The following KALRN variants were observed in gnomAD, a reference collection of about 807,000 sequenced individuals.
KALRN encodes kalirin.
Under a neutral mutation model 353.7 loss-of-function variants are expected in KALRN, and 70 were observed. The observed-to-expected ratio is 0.20, with a 90% CI of 0.16 to 0.24. The LOEUF is 0.24. KALRN is among the 10% of genes least tolerant of loss of function. The pLI, the probability that KALRN is intolerant of heterozygous loss-of-function variation, is 1.00. For synonymous variants in KALRN, 1,391 were observed against 1,434.8 expected (o/e 0.97, Z 0.69); for missense variants, 2,791 against 3,756.7 (o/e 0.74, Z 6.72).
At chr3:124,350,548 T>C (rs1038387116) in intron 10 of KALRN, among the ~76,000 whole-genome samples, 1 of 152,144 alleles carries the variant, frequency 6.6e-6, no homozygotes, top group African/African-American at 2.4e-5. Context: ...TCCCTCCTTA[T>C]TGAGGTATAG....
At chr3:124,649,555 C>G (rs557948334) in intron 37 of KALRN, among the ~76,000 whole-genome samples, 38 of 152,192 alleles carry the variant, frequency 2.5e-4, no homozygotes, top group Middle Eastern at 6.8e-3. Context: ...GGGAGTATCA[C>G]TTGAGCCCAG....
At chr3:124,410,238 C>A in intron 13 of KALRN, 1 of 533,310 alleles carries the variant, frequency 1.9e-6, no homozygotes. Flanking sequence ...TCCATAGATT[C>A]CTGGCTATGG....
At chr3:124,188,197 T>A (rs1319007191) in intron 1 of KALRN, among the ~76,000 whole-genome samples, 1 of 152,190 alleles carries the variant, frequency 6.6e-6, no homozygotes, top group Non-Finnish European at 1.5e-5. Flanking sequence ...TTTTAAAAAA[T>A]GCAGATTGCT....
intron 1 of KALRN, among the ~76,000 whole-genome samples, chr3:124,131,063 AC>A (rs2065220414): frequency 6.6e-6 from 1 of 152,164 alleles, no homozygotes; most frequent in Non-Finnish European, 1.5e-5. Flanking sequence ...ACCCAGCTGT[AC>A]CCTTATGATT....
chr3:124,076,226 C>T (rs2060252273), intron 1 of KALRN, among the ~76,000 whole-genome samples: 1 of 152,126 alleles, frequency 6.6e-6, no homozygotes, highest in Non-Finnish European at 1.5e-5. Flanking sequence ...GATGCAGACC[C>T]AAGGGAAGCA....
intron 34 of KALRN, among the ~76,000 whole-genome samples, chr3:124,563,301 A>G (rs2072294125): frequency 1.3e-5 from 2 of 152,222 alleles, no homozygotes; most frequent in African/African-American, 4.8e-5. Context: ...AAAGTCATTT[A>G]GCCTTCCTGA....
intron 33 of KALRN, among the ~76,000 whole-genome samples, chr3:124,536,196 CTTTTTT>C (rs34435871): frequency 1.8e-4 from 18 of 99,150 alleles, no homozygotes; most frequent in African/African-American, 7.2e-4. Context: ...CATCCATACT[CTTTTTT>C]TTTTTTTTTT....
intron 13 of KALRN, among the ~76,000 whole-genome samples, chr3:124,404,737 G>T (rs564907450): frequency 1.4e-5 from 2 of 145,982 alleles, no homozygotes; most frequent in African/African-American, 5.1e-5. Context: ...TGTTGTGGCT[G>T]TTTGAAAAGT....
intron 45 of KALRN, among the ~76,000 whole-genome samples, chr3:124,664,831 C>T (rs2085419754): frequency 6.6e-6 from 1 of 152,226 alleles, no homozygotes; most frequent in Non-Finnish European, 1.5e-5. Flanking sequence ...TCCCTCAGCC[C>T]ATGGCTTTGG....
chr3:124,675,999 A>G (rs1432905653), intron 49 of KALRN, among the ~76,000 whole-genome samples: 3 of 152,150 alleles, frequency 2.0e-5, no homozygotes, highest in Non-Finnish European at 2.9e-5. Flanking sequence ...GCCCCCATGC[A>G]TTTTATCCTA....
chr3:124,219,188 T>C (rs958860162), intron 1 of KALRN, among the ~76,000 whole-genome samples: 1 of 152,176 alleles, frequency 6.6e-6, no homozygotes, highest in Non-Finnish European at 1.5e-5. Context: ...CTAAAGTCAT[T>C]GAGAGAAGTA....
intron 1 of KALRN, among the ~76,000 whole-genome samples, chr3:124,054,510 C>T (rs866004877): frequency 6.6e-6 from 1 of 152,174 alleles, no homozygotes; most frequent in Admixed American, 6.5e-5. Flanking sequence ...CCAGTCCTGA[C>T]ACTTCCCTGA....
At chr3:124,476,600 G>A (rs1288713196) in intron 26 of KALRN, among the ~76,000 whole-genome samples, 1 of 152,052 alleles carries the variant, frequency 6.6e-6, no homozygotes, top group Non-Finnish European at 1.5e-5. Flanking sequence ...TCCCAGTAAC[G>A]CTAACCCAGA....
chr3:124,219,613 G>T (rs1289544703), intron 1 of KALRN, among the ~76,000 whole-genome samples: 1 of 152,164 alleles, frequency 6.6e-6, no homozygotes, highest in African/African-American at 2.4e-5. Flanking sequence ...AATCAGGTTA[G>T]CAGAGGCTCC....
At chr3:124,707,073 T>C (rs1408163468) in intron 57 of KALRN, among the ~76,000 whole-genome samples, 1 of 150,100 alleles carries the variant, frequency 6.7e-6, no homozygotes, top group East Asian at 2.1e-4. Flanking sequence ...GTGTGGTGGC[T>C]CACGCCTGTA....
chr3:124,525,922 G>A (rs1208334768), intron 33 of KALRN, among the ~76,000 whole-genome samples: 1 of 152,130 alleles, frequency 6.6e-6, no homozygotes. Context: ...TAAAGAGGTG[G>A]AGGGGTGGGA....
rs1330080119 is a variant in KALRN, at chr3:124,033,387, G to A, written c.-354G>A. On this transcript the variant is annotated 5_prime_UTR_variant, in exon 1 of 60. Transcript: ENST00000682506. The surrounding 1 kb of genome is among the most constrained non-coding windows in gnomAD (Gnocchi z 6.2). ...GCTGAACAATAGAGACAGGCAGACGGGCGAGCAGGAGAGCCAGCTGCCGCT... is the reference window on the plus strand; with the variant it reads ...GCTGAACAATAGAGACAGGCAGACGAGCGAGCAGGAGAGCCAGCTGCCGCT... 6.6e-6 allele frequency among the ~76,000 whole-genome samples: 1 copy of A among 151,902 alleles called. No individual in the cohort carries two copies. Among genetic ancestry groups the A allele is most frequent in the Non-Finnish European group, 1.5e-5 (1 of 67,912 alleles).
chr3:124,145,890 G>T (rs979055483), intron 1 of KALRN, among the ~76,000 whole-genome samples: 1 of 152,196 alleles, frequency 6.6e-6, no homozygotes, highest in Non-Finnish European at 1.5e-5. Flanking sequence ...TGGAATGCAG[G>T]CAAACAGGGA....
At chr3:124,560,111 G>A (rs1561289119) in intron 33 of KALRN, among the ~76,000 whole-genome samples, 1 of 152,186 alleles carries the variant, frequency 6.6e-6, no homozygotes, top group Non-Finnish European at 1.5e-5. Flanking sequence ...ATCCTCTCCC[G>A]TCCAGCCCAT....
Sources: gnomAD v4.1 joint callset for allele counts (sites outside exome capture counted in the v4.1 genomes callset) on GRCh38, gnomAD v4.1.1 for gene constraint, Gnocchi (gnomAD v3.1) non-coding constraint, MANE v1.5 for transcripts, NCBI Gene and HGNC (gene_info 2026-07-23, HGNC 2026-07-21) for gene names.